RABGAP1: variants seen among roughly 807,000 people sequenced by gnomAD.
RABGAP1 encodes rab GTPase-activating protein 1.
In RABGAP1, 23 loss-of-function variants were observed where a neutral mutation model predicts 137.6. That is an observed-to-expected ratio of 0.17 (90% confidence interval 0.12 to 0.24). RABGAP1 has a LOEUF of 0.24. Ranked by LOEUF, RABGAP1 falls within the 10% of genes least tolerant of loss-of-function variation. The pLI is 1.00. For missense variants in RABGAP1, 906 were observed against 1,275.8 expected, an observed-to-expected ratio of 0.71 and a Z score of 4.42; for synonymous variants, 451 against 450.7, an observed-to-expected ratio of 1.00 and a Z score of -0.01.
At chr9:123,075,777 A>T (rs1027845294) in intron 17 of RABGAP1, among the ~76,000 whole-genome samples, 1 of 152,174 alleles carries the variant, frequency 6.6e-6, no homozygotes, top group African/African-American at 2.4e-5. Context: ...TGATCAACAG[A>T]TGTTAGTGCT....
chr9:123,062,517 CA>C (rs1260928428), intron 13 of RABGAP1: 1 of 152,196 alleles, frequency 6.6e-6, no homozygotes, highest in Non-Finnish European at 1.5e-5. Flanking sequence ...AGTTCTTCAG[CA>C]TATTTCCTTA....
chr9:122,986,553 C>T, intron 4 of RABGAP1, 134 bp downstream of exon 4: 2 of 960,008 alleles, frequency 2.1e-6, no homozygotes, highest in Admixed American at 2.5e-5. Flanking sequence ...ACCTGGCACT[C>T]ATGTCTCCCA....
intron 24 of RABGAP1, among the ~76,000 whole-genome samples, chr9:123,100,710 C>T (rs920467170): frequency 1.3e-5 from 2 of 152,144 alleles, no homozygotes; most frequent in Non-Finnish European, 2.9e-5. Flanking sequence ...TGAGCCACTG[C>T]GCCTGGCCAA....
Position 123,035,339 on chromosome 9 carries a change from C to G in RABGAP1, c.1794+14880C>G, listed in dbSNP as rs1241553952. 8.1e-6 allele frequency: 13 copies of G among 1,614,056 alleles called. No homozygotes were observed. Among genetic ancestry groups the G allele is most frequent in the Non-Finnish European group, 1.0e-5 (12 of 1,180,024 alleles). ...TATGCCATGGTCCTGTTTCGAATCA[C>G]TAGTGTATTTTACATCCTCTGGTTG... On this transcript the variant is annotated intron_variant, in intron 13 of 25. Coordinates refer to ENST00000373647, the MANE Select transcript of RABGAP1 (RefSeq NM_012197.4).
intron 13 of RABGAP1, among the ~76,000 whole-genome samples, chr9:123,038,217 C>T (rs1169997432): frequency 6.6e-6 from 1 of 151,998 alleles, no homozygotes; most frequent in Non-Finnish European, 1.5e-5. Context: ...GCGTTTTTTT[C>T]ACGGGCCTAT....
intron 13 of RABGAP1, among the ~76,000 whole-genome samples, chr9:123,050,631 C>T (rs910996521): frequency 2.0e-5 from 3 of 152,174 alleles, no homozygotes; most frequent in African/African-American, 4.8e-5. Context: ...GCCCACCAAT[C>T]GATACCTATT....
intron 13 of RABGAP1, among the ~76,000 whole-genome samples, chr9:123,041,931 C>G (rs532698476): frequency 6.6e-6 from 1 of 152,112 alleles, no homozygotes; most frequent in Admixed American, 6.5e-5. Context: ...CTCCTCTTCC[C>G]CATCCCACCT....
intron 13 of RABGAP1, chr9:123,029,554 A>G (rs1456127350): frequency 2.6e-6 from 2 of 767,570 alleles, no homozygotes; most frequent in East Asian, 2.5e-5. Flanking sequence ...CTGGAGTTAT[A>G]AGTTTATAGT....
chr9:122,945,859 C>G (rs1251023455), intron 1 of RABGAP1: 1 of 151,924 alleles, frequency 6.6e-6, no homozygotes, highest in Non-Finnish European at 1.5e-5. Context: ...TCCCTTTTTC[C>G]CTTATTTATG....
intron 2 of RABGAP1, among the ~76,000 whole-genome samples, chr9:122,964,112 C>T (rs1006184625): frequency 1.3e-5 from 2 of 152,122 alleles, no homozygotes; most frequent in Admixed American, 1.3e-4. Context: ...ACTCAGGTGG[C>T]TATACTGTTG....
chr9:123,083,373 C>T (rs1356439796), intron 19 of RABGAP1, among the ~76,000 whole-genome samples: 1 of 152,214 alleles, frequency 6.6e-6, no homozygotes, highest in Non-Finnish European at 1.5e-5. Flanking sequence ...TATTTCTTTG[C>T]TTGTTCCTAC....
intron 13 of RABGAP1, among the ~76,000 whole-genome samples, chr9:123,047,925 T>TG (rs2033283734): frequency 1.8e-5 from 1 of 56,796 alleles, no homozygotes; most frequent in Non-Finnish European, 2.5e-5. Flanking sequence ...CTGGGTTTTT[T>TG]TTTTTTTTTT....
chr9:123,012,527 T>G (rs2030891945), intron 11 of RABGAP1, among the ~76,000 whole-genome samples: 1 of 152,212 alleles, frequency 6.6e-6, no homozygotes, highest in Admixed American at 6.5e-5. Flanking sequence ...AAGTTTTAAT[T>G]TATAGCAGAC....
At chr9:123,005,522 T>C (rs1041898144) in intron 10 of RABGAP1, among the ~76,000 whole-genome samples, 2 of 152,232 alleles carry the variant, frequency 1.3e-5, no homozygotes, top group Non-Finnish European at 2.9e-5. Context: ...ATATGTCTTA[T>C]CCTATACATT....
At chr9:123,028,237 A>G (rs531161711) in intron 13 of RABGAP1, among the ~76,000 whole-genome samples, 40 of 152,292 alleles carry the variant, frequency 2.6e-4, no homozygotes, top group Middle Eastern at 3.4e-3. Context: ...TTGGACATTC[A>G]TTGTTTATTC....
intron 13 of RABGAP1, among the ~76,000 whole-genome samples, chr9:123,033,001 T>C (rs538823812): frequency 7.9e-5 from 12 of 152,334 alleles, no homozygotes; most frequent in Admixed American, 6.5e-4. Flanking sequence ...CTCAAAATTA[T>C]AGCGTAGTGT....
intron 2 of RABGAP1, among the ~76,000 whole-genome samples, chr9:122,973,224 T>G (rs188942481): frequency 1.3e-5 from 2 of 152,170 alleles, no homozygotes; most frequent in African/African-American, 4.8e-5. Context: ...GTGTTTCTTA[T>G]GCAGAAAGAT....
rs1054653107 is a variant in RABGAP1, at chr9:123,104,604, C to T, written c.*1391C>T. On this transcript the variant is annotated 3_prime_UTR_variant, in exon 26 of 26. Coordinates refer to ENST00000373647, the MANE Select transcript of RABGAP1 (RefSeq NM_012197.4). ...TTCTTATTGGCTGTACTAACGCTTG[C>T]TGAGGTTATCTGTAATAAGGGAGGT... 6.6e-6 allele frequency: 1 copy of T among 152,316 alleles called. No homozygotes were observed. Among genetic ancestry groups the T allele is most frequent in the African/African-American group, 2.4e-5 (1 of 41,376 alleles). The allele number at this position is 152,316 out of a possible 1,614,324, so 9.4% of individuals were successfully genotyped here.
intron 19 of RABGAP1, among the ~76,000 whole-genome samples, chr9:123,077,564 T>A (rs1588385352): frequency 6.6e-6 from 1 of 152,198 alleles, no homozygotes; most frequent in East Asian, 1.9e-4. Context: ...ACAATTTTTT[T>A]AAAAGTAAAA....
Sources: allele counts gnomAD v4.1 joint callset (sites outside exome capture counted in the v4.1 genomes callset), GRCh38; gene constraint gnomAD v4.1.1; transcripts MANE v1.5; gene names NCBI Gene and HGNC (gene_info 2026-07-23, HGNC 2026-07-21).